The following RAP1B variants were observed in gnomAD, a reference collection of about 807,000 sequenced individuals.
RAP1B encodes RAP1B, member of RAS oncogene family.
In RAP1B, 1 loss-of-function variant was observed where a neutral mutation model predicts 27.5. That is an observed-to-expected ratio of 0.04 (90% CI 0.01 to 0.17). The LOEUF (loss-of-function observed/expected upper bound fraction) is 0.17. Ranked by LOEUF, RAP1B falls within the 10% of genes least tolerant of loss-of-function variation. RAP1B has a pLI of 1.00. For synonymous variants in RAP1B, 75 were observed against 73.1 expected (o/e 1.03, Z -0.13); for missense variants, 84 against 214.8 (o/e 0.39, Z 3.81).
chr12:68,651,091 C>T (rs1873784445), intron 3 of RAP1B, among the ~76,000 whole-genome samples: 1 of 152,134 alleles, frequency 6.6e-6, no homozygotes, highest in Admixed American at 6.5e-5. Flanking sequence ...TGTGACTGGT[C>T]ACATGAGCTC....
intron 1 of RAP1B, among the ~76,000 whole-genome samples, chr12:68,631,627 C>G (rs575797882): frequency 6.6e-6 from 1 of 152,096 alleles, no homozygotes; most frequent in Non-Finnish European, 1.5e-5. Flanking sequence ...ATTAATGTTC[C>G]CATGTTATGC....
In RAP1B at chr12:68,666,592, C is replaced by T. The variant is rs1427888571; in HGVS notation, c.*7343C>T. 6.6e-6 allele frequency: 1 copy of T among 152,202 alleles called. No individual in the cohort carries two copies. The highest frequency in any genetic ancestry group is 2.4e-5 in the African/African-American group (1 of 41,448). 9.4% of individuals were successfully genotyped at this position (152,202 alleles called of 1,614,324 possible). On this transcript the variant is annotated 3_prime_UTR_variant, in exon 8 of 8. Coordinates refer to ENST00000250559, the MANE Select transcript of RAP1B (RefSeq NM_001010942.3). The stretch of plus-strand genomic sequence containing the variant: ...TCTTTTAAAAGGACAATTGTTTTGA[C>T]ATTTAGGGCTTACCCACATACTTCA...
chr12:68,664,786 A>C lies in RAP1B; in HGVS notation c.*5537A>C, dbSNP rs1874779766. 6.6e-6 allele frequency: 1 copy of C among 152,194 alleles called. No individual in the cohort carries two copies. Among genetic ancestry groups the C allele is most frequent in the Non-Finnish European group, 1.5e-5 (1 of 68,032 alleles). 9.4% of individuals were successfully genotyped at this position (152,194 alleles called of 1,614,324 possible). On this transcript the variant is annotated 3_prime_UTR_variant, in exon 8 of 8. Coordinates refer to ENST00000250559, the MANE Select transcript of RAP1B (RefSeq NM_001010942.3). ...AATGATGGGAAAGACCAGTCAAATA[A>C]ACTATCAGATCTAATAACTTTTCTA...
chr12:68,618,672 A>C (rs1253032849), intron 1 of RAP1B, among the ~76,000 whole-genome samples: 1 of 152,222 alleles, frequency 6.6e-6, no homozygotes. Flanking sequence ...CTGGCGCTTT[A>C]GAATAAACCA....
intron 5 of RAP1B, among the ~76,000 whole-genome samples, chr12:68,655,575 G>A (rs1565674329): frequency 1.5e-5 from 2 of 135,624 alleles, no homozygotes; most frequent in African/African-American, 5.6e-5. Context: ...TCACCCTGTC[G>A]CCCAGGCTGG....
intron 1 of RAP1B, among the ~76,000 whole-genome samples, chr12:68,615,417 T>C (rs1870913123): frequency 6.6e-6 from 1 of 151,996 alleles, no homozygotes; most frequent in South Asian, 2.1e-4. Context: ...GTGATATCAG[T>C]ATACAATTCA....
intron 1 of RAP1B, chr12:68,626,782 TTTG>T: frequency 3.1e-6 from 4 of 1,294,192 alleles, no homozygotes; most frequent in Non-Finnish European, 4.3e-6. Context: ...GTGTTTTTTT[TTTG>T]TTGTTTGTTT....
chr12:68,647,965 CT>C (rs1284940912), intron 1 of RAP1B: 1 of 152,140 alleles, frequency 6.6e-6, no homozygotes, highest in Non-Finnish European at 1.5e-5. Context: ...CTTTGTACCA[CT>C]TTACTGACTC....
At chr12:68,648,086 A>ATAAG (rs1873550812) in intron 1 of RAP1B, 1 of 152,218 alleles carries the variant, frequency 6.6e-6, no homozygotes, top group Admixed American at 6.6e-5. Context: ...TTTTATAATG[A>ATAAG]TAAGCCTTGG....
At chr12:68,631,557 T>C (rs955607325) in intron 1 of RAP1B, among the ~76,000 whole-genome samples, 29 of 152,242 alleles carry the variant, frequency 1.9e-4, no homozygotes, top group African/African-American at 6.0e-4. Context: ...CTGCTATTTT[T>C]ATTTTCCTAT....
chr12:68,618,535 G>A (rs2135914162), intron 1 of RAP1B, among the ~76,000 whole-genome samples: 1 of 152,270 alleles, frequency 6.6e-6, no homozygotes, highest in African/African-American at 2.4e-5. Flanking sequence ...GAATCCTGGA[G>A]GTCCCCTAGA....
In RAP1B at chr12:68,665,776, A is replaced by G. The variant is rs1036704769; in HGVS notation, c.*6527A>G. ...CCATCCTCTAATTAGTACCAGGTCT[A>G]TGTATATCTGCAGCAACTATAAAGT... On this transcript the variant is annotated 3_prime_UTR_variant, in exon 8 of 8. Transcript: ENST00000250559. 2 of 152,146 alleles carry G rather than the reference A, an allele frequency of 1.3e-5. No homozygotes were observed. Among genetic ancestry groups the G allele is most frequent in the Non-Finnish European group, 1.5e-5 (1 of 68,044 alleles). The allele number at this position is 152,146 out of a possible 1,614,324, so 9.4% of individuals were successfully genotyped here.
At chr12:68,659,157 C>A (rs1342089168) in intron 7 of RAP1B, 123 bp from the exon 8 acceptor site, 7 of 416,362 alleles carry the variant, frequency 1.7e-5, no homozygotes, top group Non-Finnish European at 3.3e-5. Flanking sequence ...AATGTAATGC[C>A]TAGAACAAGA....
In RAP1B at chr12:68,666,479, T is replaced by A. The variant is rs1342613027; in HGVS notation, c.*7230T>A. 2.0e-5 allele frequency: 3 copies of A among 152,260 alleles called. No individual in the cohort carries two copies. The highest frequency in any genetic ancestry group is 2.0e-4 in the Admixed American group (3 of 15,290). 9.4% of individuals were successfully genotyped at this position (152,260 alleles called of 1,614,324 possible). On this transcript the variant is annotated 3_prime_UTR_variant, in exon 8 of 8. Transcript: ENST00000250559. The stretch of plus-strand genomic sequence containing the variant: ...AAATCAAAGTGTTAGGATGTACTCC[T>A]AGAGGCTCTCGGAGAGAACCTGTTC...
At chr12:68,654,940 A>T (rs1221512860) in intron 5 of RAP1B, among the ~76,000 whole-genome samples, 2 of 152,160 alleles carry the variant, frequency 1.3e-5, no homozygotes, top group East Asian at 3.8e-4. Context: ...CTTCTGATTC[A>T]GTAGGTCAGC....
At chr12:68,643,432 G>T (rs1873166841) in intron 1 of RAP1B, among the ~76,000 whole-genome samples, 1 of 152,068 alleles carries the variant, frequency 6.6e-6, no homozygotes, top group South Asian at 2.1e-4. Flanking sequence ...TAAAATGTCA[G>T]TATTTACATT....
rs542970208 is a variant in RAP1B at position 68,663,068 on chromosome 12, C to CT, written c.*3831dup. 1,390 of 143,470 alleles carry CT rather than the reference C, an allele frequency of 9.7e-3. 17 individuals carry two copies. The highest frequency in any genetic ancestry group is 0.026 in the African/African-American group (1,010 of 39,334). The allele number at this position is 143,470 out of a possible 1,614,324, so 8.9% of individuals were successfully genotyped here. On this transcript the variant is annotated 3_prime_UTR_variant, in exon 8 of 8. Transcript: ENST00000250559. The stretch of plus-strand genomic sequence containing the variant: ...TTGAATTTTCTTTTTTTTTCTTTTT[C>CT]TTTTTTTTTTTTGAGACTGAGTTTC...
At chr12:68,616,504 T>C in intron 1 of RAP1B, among the ~76,000 whole-genome samples, 1 of 141,616 alleles carries the variant, frequency 7.1e-6, no homozygotes, top group South Asian at 2.3e-4. Context: ...TGGAGTGCAG[T>C]GGTGCAATCT....
rs891154397 is a variant in RAP1B at position 68,669,283 on chromosome 12, G to T, written c.*10034G>T. The T allele has an allele frequency of 1.3e-5, 2 of 152,214 alleles. No individual in the cohort carries two copies. The highest frequency in any genetic ancestry group is 2.9e-5 in the Non-Finnish European group (2 of 68,030). The allele number at this position is 152,214 out of a possible 1,614,324, so 9.4% of individuals were successfully genotyped here. On this transcript the variant is annotated 3_prime_UTR_variant, in exon 8 of 8. Transcript: ENST00000250559. ...AAGATCTGAACAAATACACTGGGAA[G>T]ATAATATCATAAAAATATCAATTCC...
Sources: allele counts gnomAD v4.1 joint callset (sites outside exome capture counted in the v4.1 genomes callset), GRCh38; gene constraint gnomAD v4.1.1; transcripts MANE v1.5; gene names NCBI Gene and HGNC (gene_info 2026-07-23, HGNC 2026-07-21).